The following ZEB1 variants were observed in gnomAD, a reference collection of about 807,000 sequenced individuals.
ZEB1 encodes the protein zinc finger E-box binding homeobox 1.
Under a neutral mutation model 84.9 loss-of-function variants are expected in ZEB1, and 21 were observed. The ratio of observed to expected loss-of-function variants is 0.25; its 90% CI spans 0.18 to 0.36. The LOEUF (loss-of-function observed/expected upper bound fraction) is 0.36. Ranked by LOEUF, ZEB1 falls within the 10% of genes least tolerant of loss-of-function variation. The probability of loss-of-function intolerance (pLI) is 1.00; values close to 1 mark genes in which losing one functional copy is unlikely to be tolerated. For synonymous variants in ZEB1, 420 were observed against 471.1 expected (o/e 0.89, Z 1.41); for missense variants, 1,104 against 1,330.2 (o/e 0.83, Z 2.65).
intron 1 of ZEB1, among the ~76,000 whole-genome samples, chr10:31,337,024 A>G (rs2038229218): frequency 6.6e-6 from 1 of 152,174 alleles, no homozygotes. Context: ...TTTATACAGT[A>G]CTGATCACAA....
intron 2 of ZEB1, among the ~76,000 whole-genome samples, chr10:31,481,796 A>G (rs1187720039): frequency 6.6e-6 from 1 of 152,098 alleles, no homozygotes; most frequent in Non-Finnish European, 1.5e-5. Context: ...TATAATCCAG[A>G]AAATAAAAGA....
intron 1 of ZEB1, among the ~76,000 whole-genome samples, chr10:31,427,811 A>C (rs2057160863): frequency 1.3e-5 from 2 of 149,106 alleles, no homozygotes; most frequent in Non-Finnish European, 3.0e-5. Flanking sequence ...GTGAGCCGAG[A>C]TTGCGCCACT....
chr10:31,498,631 T>TG (rs2067638309), intron 3 of ZEB1, among the ~76,000 whole-genome samples: 1 of 152,072 alleles, frequency 6.6e-6, no homozygotes, highest in Non-Finnish European at 1.5e-5. Flanking sequence ...AATTTCTTAA[T>TG]GGACATATAA....
At chr10:31,367,276 T>C (rs1438935124) in intron 1 of ZEB1, among the ~76,000 whole-genome samples, 1 of 152,244 alleles carries the variant, frequency 6.6e-6, no homozygotes, top group Non-Finnish European at 1.5e-5. Context: ...TGGCTATTTA[T>C]CTATTCCCCT....
intron 1 of ZEB1, among the ~76,000 whole-genome samples, chr10:31,357,598 G>A (rs1476210130): frequency 7.2e-5 from 11 of 151,958 alleles, no homozygotes; most frequent in Admixed American, 5.9e-4. Context: ...AGGAAATCAG[G>A]AAAATATACA....
chr10:31,355,450 C>T (rs1054372663), intron 1 of ZEB1, among the ~76,000 whole-genome samples: 3 of 152,082 alleles, frequency 2.0e-5, no homozygotes, highest in African/African-American at 4.8e-5. Flanking sequence ...CATGTCCTCA[C>T]GAAACCAGCA....
At chr10:31,434,851 G>A (rs2058107401) in intron 1 of ZEB1, among the ~76,000 whole-genome samples, 1 of 152,148 alleles carries the variant, frequency 6.6e-6, no homozygotes, top group Non-Finnish European at 1.5e-5. Flanking sequence ...TAGTTCAACA[G>A]ATGTCTTATA....
At chr10:31,376,993 C>A (rs1045090529) in intron 1 of ZEB1, among the ~76,000 whole-genome samples, 1 of 150,964 alleles carries the variant, frequency 6.6e-6, no homozygotes, top group South Asian at 2.1e-4. Flanking sequence ...CCGTGAAATT[C>A]TCATCTAAGC....
intron 1 of ZEB1, among the ~76,000 whole-genome samples, chr10:31,365,364 G>C (rs188581668): frequency 6.6e-6 from 1 of 152,158 alleles, no homozygotes; most frequent in Admixed American, 6.5e-5. Flanking sequence ...GTCTGGACTA[G>C]GGAAACATGT....
chr10:31,453,693 C>T (rs2060866729), intron 1 of ZEB1, among the ~76,000 whole-genome samples: 1 of 152,072 alleles, frequency 6.6e-6, no homozygotes, highest in African/African-American at 2.4e-5. Flanking sequence ...TACACCCTCC[C>T]AAGTCTAAAC....
intron 4 of ZEB1, among the ~76,000 whole-genome samples, chr10:31,507,299 T>C (rs2069145083): frequency 1.3e-5 from 2 of 152,172 alleles, no homozygotes; most frequent in Admixed American, 6.5e-5. Flanking sequence ...GTGAATATAA[T>C]GTGCCATGGA....
Position 31,373,193 on chromosome 10 carries a change from TTGTGTGTG to T in ZEB1, c.58+53919_58+53926del, listed in dbSNP as rs527915359. ...TCAATGGTAAGAGTTTTCATTTAAA[TTGTGTGTG>T]TGTGTGTGTGTGTGTGTAAAGCCTA... On this transcript the variant is annotated intron_variant, in intron 1 of 8. Transcript: ENST00000424869. 1,800 of 973,030 alleles carry T rather than the reference TTGTGTGTG, an allele frequency of 1.8e-3. 15 individuals are homozygous for T. In the African/African-American group the frequency reaches 0.024, roughly 13 times the overall value. 60.3% of individuals were successfully genotyped at this position (973,030 alleles called of 1,614,324 possible). A position where few individuals can be genotyped will look rare whatever the true frequency, so the allele number is the denominator to read the frequency against.
At chr10:31,407,083 CTTATTTAT>C (rs564159333) in intron 1 of ZEB1, among the ~76,000 whole-genome samples, 1 of 151,224 alleles carries the variant, frequency 6.6e-6, no homozygotes, top group Non-Finnish European at 1.5e-5. Context: ...TTTTTAACTT[CTTATTTAT>C]TTATTTATTT....
In ZEB1 at chr10:31,471,975, G is replaced by A. The variant is rs1490157851; in HGVS notation, c.259+10738G>A. ...CCTGAATGACTACTGGGTACCTAAC[G>A]AAATGAAGGCAGAAATAAAGATGTT... On this transcript the variant is annotated intron_variant, in intron 2 of 8. Coordinates refer to ENST00000424869, the MANE Select transcript of ZEB1 (RefSeq NM_001174096.2). 4.4e-5 allele frequency among the ~76,000 whole-genome samples: 6 copies of A among 137,900 alleles called. 1 individual carries two copies. Among genetic ancestry groups the A allele is most frequent in the Admixed American group, 2.0e-4 (3 of 14,916 alleles). 90.5% of individuals were successfully genotyped at this position (137,900 alleles called of 152,430 possible).
intron 1 of ZEB1, among the ~76,000 whole-genome samples, chr10:31,339,767 TA>T (rs35154398): frequency 0.094 from 12,880 of 137,002 alleles, 968 homozygotes; most frequent in African/African-American, 0.22. Flanking sequence ...TGTCTCAAAT[TA>T]AAAAAAAAAA....
At chr10:31,483,369 T>C (rs1021387164) in intron 2 of ZEB1, among the ~76,000 whole-genome samples, 1 of 152,014 alleles carries the variant, frequency 6.6e-6, no homozygotes, top group African/African-American at 2.4e-5. Flanking sequence ...CATTAAGTAA[T>C]GGAAAGCCAA....
rs1225677406 is a variant in ZEB1 at position 31,504,227 on chromosome 10, GTGTA to G, written c.484+1722_484+1725del. ...TATTGGAGAGTGTGTCCTTTTCCTG[GTGTA>G]TGTTTTTGGTGCCTTGTCGAAATCA... is the stretch of plus-strand genomic sequence containing the variant. On this transcript the variant is annotated intron_variant, in intron 4 of 8. Coordinates refer to ENST00000424869, the MANE Select transcript of ZEB1 (RefSeq NM_001174096.2). Among the ~76,000 whole-genome samples the G allele has an allele frequency of 2.0e-5, 3 of 151,892 alleles. No individual in the cohort carries two copies. The East Asian group carries it at 5.8e-4, about 29-fold the overall frequency.
chr10:31,475,221 A>G (rs2063945497), intron 2 of ZEB1, among the ~76,000 whole-genome samples: 1 of 150,002 alleles, frequency 6.7e-6, no homozygotes, highest in Non-Finnish European at 1.5e-5. Flanking sequence ...AATAAAAGAA[A>G]AAAAAAAACA....
chr10:31,528,009 A>G lies in ZEB1; in HGVS notation c.*745A>G, dbSNP rs1050394155. 6.6e-6 allele frequency: 1 copy of G among 152,272 alleles called. No individual in the cohort carries two copies. The highest frequency in any genetic ancestry group is 2.4e-5 in the African/African-American group (1 of 41,450). The allele number at this position is 152,272 out of a possible 1,614,324, so 9.4% of individuals were successfully genotyped here. ...TTGAGTTCTGATTGCAGGGACTAAC[A>G]ATGTTAATCTGATAAGGACAGCAAA... On this transcript the variant is annotated 3_prime_UTR_variant, in exon 9 of 9. Transcript: ENST00000424869.
Sources: allele counts gnomAD v4.1 joint callset (sites outside exome capture counted in the v4.1 genomes callset), GRCh38; gene constraint gnomAD v4.1.1; transcripts MANE v1.5; gene names NCBI Gene and HGNC (gene_info 2026-07-23, HGNC 2026-07-21).